THSD7A: variants seen among roughly 807,000 people sequenced by gnomAD.
THSD7A encodes thrombospondin type-1 domain-containing protein 7A.
In THSD7A, 96 loss-of-function variants were observed where a neutral mutation model predicts 231.3. That is an observed-to-expected ratio of 0.41 (90% CI 0.35 to 0.49). THSD7A has a LOEUF of 0.49. THSD7A is among the 20% of genes least tolerant of loss of function. The pLI, the probability that THSD7A is intolerant of heterozygous loss-of-function variation, is 0.05. For synonymous variants in THSD7A, 940 were observed against 743.3 expected, an observed-to-expected ratio of 1.26 and a Z score of -4.30; for missense variants, 2,290 against 2,070.2, an observed-to-expected ratio of 1.11 and a Z score of -2.06.
chr7:11,771,411 C>T (rs1044191160), intron 1 of THSD7A, among the ~76,000 whole-genome samples: 3 of 151,856 alleles, frequency 2.0e-5, no homozygotes, highest in Admixed American at 6.6e-5. Flanking sequence ...ACTAGGTATA[C>T]ATTTATAATT....
At chr7:11,463,306 G>C (rs1175160399) in intron 9 of THSD7A, among the ~76,000 whole-genome samples, 2 of 152,138 alleles carry the variant, frequency 1.3e-5, no homozygotes, top group Non-Finnish European at 2.9e-5. Context: ...GCCATGTTTA[G>C]AGAGGATTTC....
At chr7:11,734,890 T>C (rs1781858102) in intron 1 of THSD7A, among the ~76,000 whole-genome samples, 1 of 151,954 alleles carries the variant, frequency 6.6e-6, no homozygotes, top group Non-Finnish European at 1.5e-5. Context: ...ATAGTCATTT[T>C]TTAGGATTTT....
chr7:11,721,855 C>T (rs1334755096), intron 1 of THSD7A, among the ~76,000 whole-genome samples: 1 of 151,858 alleles, frequency 6.6e-6, no homozygotes, highest in African/African-American at 2.4e-5. Flanking sequence ...AAATCCAGCC[C>T]CACTTATATC....
intron 11 of THSD7A, among the ~76,000 whole-genome samples, chr7:11,451,686 T>C (rs1320567782): frequency 6.6e-6 from 1 of 151,824 alleles, no homozygotes; most frequent in Non-Finnish European, 1.5e-5. Flanking sequence ...GTTCATGGAC[T>C]AAAAGGGAAT....
intron 1 of THSD7A, among the ~76,000 whole-genome samples, chr7:11,669,356 T>A (rs966008183): frequency 2.6e-5 from 4 of 151,966 alleles, no homozygotes; most frequent in Non-Finnish European, 4.4e-5. Flanking sequence ...ATATATATAT[T>A]TTTCTTTCTT....
chr7:11,830,762 ACACT>A (rs1437764672), intron 1 of THSD7A, among the ~76,000 whole-genome samples: 1 of 152,208 alleles, frequency 6.6e-6, no homozygotes, highest in Non-Finnish European at 1.5e-5. Context: ...GCAGGAAAAG[ACACT>A]CACTCCCTGA....
At chr7:11,469,045 A>C (rs1354945111) in intron 9 of THSD7A, among the ~76,000 whole-genome samples, 1 of 152,146 alleles carries the variant, frequency 6.6e-6, no homozygotes, top group African/African-American at 2.4e-5. Context: ...AACTTAAAAT[A>C]GTTTGTTAAG....
At chr7:11,759,043 T>C (rs1025836268) in intron 1 of THSD7A, among the ~76,000 whole-genome samples, 15 of 151,918 alleles carry the variant, frequency 9.9e-5, no homozygotes, top group African/African-American at 3.6e-4. Context: ...CTGGAGAAAG[T>C]AAACACAAAT....
intron 1 of THSD7A, among the ~76,000 whole-genome samples, chr7:11,799,470 A>C (rs1159675055): frequency 6.6e-6 from 1 of 152,206 alleles, no homozygotes; most frequent in Non-Finnish European, 1.5e-5. Flanking sequence ...TAAAATATTA[A>C]TGCTCATTTA....
At chr7:11,666,707 T>C (rs1783148211) in intron 1 of THSD7A, among the ~76,000 whole-genome samples, 1 of 151,038 alleles carries the variant, frequency 6.6e-6, no homozygotes, top group South Asian at 2.1e-4. Flanking sequence ...ATTATGCTAA[T>C]ATATAGTATA....
intron 4 of THSD7A, among the ~76,000 whole-genome samples, chr7:11,557,265 T>C (rs1789885214): frequency 1.3e-5 from 2 of 152,126 alleles, no homozygotes; most frequent in African/African-American, 4.8e-5. Flanking sequence ...TAGACCCGTA[T>C]ACAGAGTTTT....
chr7:11,581,790 A>G (rs1360675173), intron 4 of THSD7A, among the ~76,000 whole-genome samples: 2 of 152,134 alleles, frequency 1.3e-5, no homozygotes, highest in African/African-American at 2.4e-5. Flanking sequence ...GACACACTGT[A>G]CACATATATG....
chr7:11,404,117 A>G (rs1159063398), intron 22 of THSD7A, among the ~76,000 whole-genome samples: 2 of 152,102 alleles, frequency 1.3e-5, no homozygotes, highest in Non-Finnish European at 2.9e-5. Flanking sequence ...CCTTCACATC[A>G]TTTACCACAG....
intron 1 of THSD7A, among the ~76,000 whole-genome samples, chr7:11,658,065 G>C (rs1427697331): frequency 6.6e-6 from 1 of 151,688 alleles, no homozygotes; most frequent in African/African-American, 2.4e-5. Context: ...CCAGCAGTCA[G>C]TGAGGCGAAC....
At position 11,651,342 on chromosome 7, in the gene THSD7A, A is replaced by C. The variant is rs188486113; in HGVS notation, c.191-14381T>G. ...AGAGTTCCAGTTTCAGAAAATAAAG[A>C]ATTCTAGAAATGGATAGTGGTGATG... On this transcript the variant is annotated intron_variant, in intron 1 of 27. Transcript: ENST00000423059. 3.0e-3 allele frequency among the ~76,000 whole-genome samples: 460 copies of C among 152,104 alleles called. 3 individuals carry two copies. Among genetic ancestry groups the C allele is most frequent in the Non-Finnish European group, 4.6e-3 (313 of 67,938 alleles).
intron 1 of THSD7A, among the ~76,000 whole-genome samples, chr7:11,817,723 A>C (rs555825848): frequency 1.3e-5 from 2 of 152,328 alleles, no homozygotes; most frequent in African/African-American, 4.8e-5. Flanking sequence ...AGCTATCTTT[A>C]AATAATCTGT....
At chr7:11,576,999 A>G (rs971291168) in intron 4 of THSD7A, among the ~76,000 whole-genome samples, 18 of 152,216 alleles carry the variant, frequency 1.2e-4, no homozygotes, top group African/African-American at 4.1e-4. Flanking sequence ...GTCAAAAACA[A>G]GGCATTGAGT....
Position 11,636,874 on chromosome 7 carries a change from G to A in THSD7A, c.278C>T (p.Thr93Ile). 1.2e-6 allele frequency: 2 copies of A among 1,613,898 alleles called. No homozygotes were observed. Among genetic ancestry groups the A allele is most frequent in the Non-Finnish European group, 1.7e-6 (2 of 1,179,898 alleles). Residue 93 changes from threonine to isoleucine, a missense_variant, in exon 2 of 28, where the codon ACT (threonine) becomes ATT (isoleucine). Transcript: ENST00000423059. The surrounding 1 kb of genome is among the most constrained non-coding windows in gnomAD (Gnocchi z 10.0). ...CTGCTTACAGTTAGTATGCAGTGTA[G>A]TCCATCCCTCCACATGAGCACACCA... is the stretch of plus-strand genomic sequence containing the variant. ...AVWCAHVEGWTTLHTNCKQAE... is the reference protein window; with the variant it reads ...AVWCAHVEGWITLHTNCKQAE...
chr7:11,462,642 C>T (rs1441063308), intron 9 of THSD7A, among the ~76,000 whole-genome samples: 8 of 151,882 alleles, frequency 5.3e-5, no homozygotes, highest in African/African-American at 7.3e-5. Flanking sequence ...TAAATTATTC[C>T]GGTCATTTAT....
Sources: allele counts gnomAD v4.1 joint callset (sites outside exome capture counted in the v4.1 genomes callset), GRCh38; gene constraint gnomAD v4.1.1; non-coding constraint Gnocchi (gnomAD v3.1); transcripts MANE v1.5; gene names NCBI Gene and HGNC (gene_info 2026-07-23, HGNC 2026-07-21).